Variants in ELL observed in about 807,000 individuals in gnomAD.
The protein encoded by ELL is RNA polymerase II elongation factor ELL.
In ELL, 18 loss-of-function variants were observed where a neutral mutation model predicts 64.0. The ratio of observed to expected loss-of-function variants is 0.28; its 90% CI spans 0.19 to 0.42. The LOEUF is 0.42. Ranked by LOEUF, ELL falls within the 10% of genes least tolerant of loss-of-function variation. ELL has a pLI of 1.00. For missense variants in ELL, 797 were observed against 870.4 expected (o/e 0.92, Z 1.06); for synonymous variants, 399 against 376.2 (o/e 1.06, Z -0.70).
chr19:18,520,835 G>A (rs936862120), intron 1 of ELL, among the ~76,000 whole-genome samples: 2 of 150,974 alleles, frequency 1.3e-5, no homozygotes, highest in African/African-American at 4.9e-5. Context: ...CCAATTTCCA[G>A]AAAAGGAGTT....
Position 18,446,385 on chromosome 19 carries a change from A to G in ELL, c.1628T>C (p.Ile543Thr), listed in dbSNP as rs199681857. The change falls in exon 10 of 12, where the codon ATT (isoleucine) becomes ACT (threonine). Residue 543 changes from isoleucine (I) to threonine (T), a missense_variant. By Grantham distance (89) the Ile-to-Thr change is moderately conservative. Coordinates refer to ENST00000262809, the MANE Select transcript of ELL (RefSeq NM_006532.4). ...YSEYRDLHAR[I>T]ERITRRFTQL... Reference sequence around the variant, plus strand: ...GGTGAACCGCCGCGTGATGCGCTCAATGCGGGCGTGCAGGTCGCGGTACTC... The same window carrying G: ...GGTGAACCGCCGCGTGATGCGCTCAGTGCGGGCGTGCAGGTCGCGGTACTC... The G allele has an allele frequency of 1.4e-5, 22 of 1,611,396 alleles. No individual in the cohort carries two copies. The highest frequency in any genetic ancestry group is 4.2e-6 in the Non-Finnish European group (5 of 1,179,632).
chr19:18,458,441 G>A (rs1974729791), intron 5 of ELL, 112 bp from the exon 6 acceptor site: 2 of 1,487,006 alleles, frequency 1.3e-6, no homozygotes. Context: ...GTGGGAGACA[G>A]ACAGAGACAG....
In ELL at chr19:18,458,335, A is replaced by C; in HGVS notation, c.745-6T>G. On this transcript the variant is annotated splice_region_variant and splice_polypyrimidine_tract_variant and intron_variant, in intron 5 of 11. Coordinates refer to ENST00000262809, the MANE Select transcript of ELL (RefSeq NM_006532.4). ...TTAGCACTCATGTTGGCCACCTGCA[A>C]GACAGAGCCAGCCATCACTTTGTGG... 6.2e-7 allele frequency: 1 copy of C among 1,608,388 alleles called. No homozygotes were observed. Among genetic ancestry groups the C allele is most frequent in the Non-Finnish European group, 8.5e-7 (1 of 1,176,778 alleles).
At position 18,444,867 on chromosome 19, in the gene ELL, G is replaced by A; in HGVS notation, c.1751C>T (p.Thr584Ile). The change falls in exon 12 of 12, where the codon ACC (threonine) becomes ATC (isoleucine). Residue 584 changes from threonine to isoleucine, a missense_variant and splice_region_variant. By Grantham distance (89) the Thr-to-Ile change is moderately conservative. Transcript: ENST00000262809. The part of the protein sequence containing the change: ...ILQEYRKIKK[T>I]NTNYSQEKHR... ...CTTCTCCTGGCTGTAGTTGGTGTTG[G>A]TCTGTGGGACAGCACAGTCATGCTC... 1 of 1,611,048 alleles carries A rather than the reference G, an allele frequency of 6.2e-7. No homozygotes were observed. The highest frequency in any genetic ancestry group is 8.5e-7 in the Non-Finnish European group (1 of 1,179,680).
At chr19:18,477,172 G>A (rs1431038064) in intron 1 of ELL, among the ~76,000 whole-genome samples, 1 of 152,194 alleles carries the variant, frequency 6.6e-6, no homozygotes, top group African/African-American at 2.4e-5. Context: ...TATCGTGAGA[G>A]AGCCACGAGG....
chr19:18,465,552 C>A lies in ELL; in HGVS notation c.329G>T (p.Cys110Phe), dbSNP rs1036175719. ...GATCTTGTCCTGTATGCTGCCCAGG[C>A]AGTCCAGGTGAACTTCCCCATGACT... Reference protein sequence around the residue: ...VSSHGEVHLDCLGSIQDKITV... With the variant: ...VSSHGEVHLDFLGSIQDKITV... The change falls in exon 4 of 12, where the codon TGC becomes TTC. Residue 110 changes from cysteine to phenylalanine, a missense_variant. By Grantham distance (205) the Cys-to-Phe change is radical (BLOSUM62 -2). Coordinates refer to ENST00000262809, the MANE Select transcript of ELL (RefSeq NM_006532.4). The A allele has an allele frequency of 1.2e-6, 2 of 1,602,048 alleles. No individual in the cohort carries two copies. The highest frequency in any genetic ancestry group is 1.3e-5 in the African/African-American group (1 of 74,808).
chr19:18,509,643 A>G lies in ELL; in HGVS notation c.135+12278T>C, dbSNP rs1325349473. The stretch of plus-strand genomic sequence containing the variant: ...CACACACACACACACACACACACAC[A>G]CACACACACACACACTCCCCTCCCC... On this transcript the variant is annotated intron_variant, in intron 1 of 11. Coordinates refer to ENST00000262809, the MANE Select transcript of ELL (RefSeq NM_006532.4). 2.5e-5 allele frequency among the ~76,000 whole-genome samples: 3 copies of G among 119,450 alleles called. 1 individual carries two copies. Among genetic ancestry groups the G allele is most frequent in the African/African-American group, 8.0e-5 (2 of 24,850 alleles). The allele number at this position is 119,450 out of a possible 152,430, so 78.4% of individuals were successfully genotyped here. A position where few individuals can be genotyped will look rare whatever the true frequency, so the allele number is the denominator to read the frequency against.
intron 5 of ELL, 88 bp from the exon 6 acceptor site, chr19:18,458,417 G>C: frequency 6.5e-7 from 1 of 1,543,618 alleles, no homozygotes; most frequent in South Asian, 1.2e-5. Flanking sequence ...GGTTTGGGAG[G>C]GTGTGCAGAG....
intron 1 of ELL, among the ~76,000 whole-genome samples, chr19:18,497,854 T>A (rs1975693506): frequency 6.8e-6 from 1 of 146,744 alleles, no homozygotes; most frequent in Non-Finnish European, 1.5e-5. Context: ...GTCAGCCAGA[T>A]GTGATGGCTC....
intron 1 of ELL, among the ~76,000 whole-genome samples, chr19:18,476,387 G>A (rs1470914288): frequency 6.6e-6 from 1 of 152,174 alleles, no homozygotes; most frequent in Non-Finnish European, 1.5e-5. Flanking sequence ...AACCAGTTAG[G>A]GTGCACAACC....
intron 5 of ELL, 28 bp downstream of exon 5, chr19:18,461,550 A>G (rs1974813766): frequency 1.3e-6 from 2 of 1,573,118 alleles, no homozygotes; most frequent in Non-Finnish European, 1.7e-6. Context: ...GACCACTGGT[A>G]AAGACAAGAC....
chr19:18,450,581 T>G lies in ELL; in HGVS notation c.1361A>C (p.Lys454Thr). ...SRSKPKKKSK[K>T]HKDKERAAED... The stretch of plus-strand genomic sequence containing the variant: ...AGCCGCCCTCTCCTTGTCTTTGTGC[T>G]TCTTGGACTTCTTCTTGGGCTTGCT... The change falls in exon 8 of 12, where the codon AAG (lysine) becomes ACG (threonine). Residue 454 changes from lysine (K) to threonine (T), a missense_variant. By Grantham distance (78) the Lys-to-Thr change is moderately conservative (BLOSUM62 -1). Transcript: ENST00000262809. 1 of 1,612,654 alleles carries G rather than the reference T, an allele frequency of 6.2e-7. No homozygotes were observed.
At chr19:18,491,803 G>C (rs906959305) in intron 1 of ELL, among the ~76,000 whole-genome samples, 1 of 152,144 alleles carries the variant, frequency 6.6e-6, no homozygotes, top group Admixed American at 6.5e-5. Flanking sequence ...TGTGGTCCCA[G>C]CTATGCAGGA....
intron 1 of ELL, among the ~76,000 whole-genome samples, chr19:18,486,569 G>T (rs1473287229): frequency 6.6e-6 from 1 of 152,166 alleles, no homozygotes; most frequent in Non-Finnish European, 1.5e-5. Flanking sequence ...TCTGAGAAGG[G>T]AGCCTGTCTC....
rs1369522125 is a variant in ELL, at chr19:18,501,540, T to C, written c.135+20381A>G. 1.3e-5 allele frequency among the ~76,000 whole-genome samples: 2 copies of C among 152,034 alleles called. No individual in the cohort carries two copies. Among genetic ancestry groups the C allele is most frequent in the African/African-American group, 4.8e-5 (2 of 41,380 alleles). ...CCACTGGCAGAAGGGAGCAAGACAC[T>C]GGTCCACGGCACAGCCAGCTCAGAG... is the stretch of plus-strand genomic sequence containing the variant. On this transcript the variant is annotated intron_variant, in intron 1 of 11. Transcript: ENST00000262809. This position sits in a 1 kb window ranked among gnomAD's most constrained non-coding sequence, Gnocchi z 4.5.
At chr19:18,492,564 C>T (rs1975555033) in intron 1 of ELL, among the ~76,000 whole-genome samples, 1 of 152,210 alleles carries the variant, frequency 6.6e-6, no homozygotes, top group South Asian at 2.1e-4. Context: ...ACTCGCTACT[C>T]AATCTCATTA....
In ELL at chr19:18,501,514, G is replaced by T. The variant is rs927838395; in HGVS notation, c.135+20407C>A. On this transcript the variant is annotated intron_variant, in intron 1 of 11. Transcript: ENST00000262809. This position sits in a 1 kb window ranked among gnomAD's most constrained non-coding sequence, Gnocchi z 4.5. Reference sequence around the variant, plus strand: ...GCCAGCCGGGGCCTTGGAGTGAGGGGCCACTGGCAGAAGGGAGCAAGACAC... The same window carrying T: ...GCCAGCCGGGGCCTTGGAGTGAGGGTCCACTGGCAGAAGGGAGCAAGACAC... Among the ~76,000 whole-genome samples, 3 of 152,198 alleles carry T rather than the reference G, an allele frequency of 2.0e-5. No homozygotes were observed. The highest frequency in any genetic ancestry group is 7.2e-5 in the African/African-American group (3 of 41,436).
At chr19:18,465,776 T>C in intron 3 of ELL, 21 bp downstream of exon 3, 1 of 1,423,668 alleles carries the variant, frequency 7.0e-7, no homozygotes, top group Middle Eastern at 1.9e-4. Flanking sequence ...CGGGGTGCTC[T>C]GGGGTGGGGC....
chr19:18,453,131 G>C (rs188023130), intron 6 of ELL, among the ~76,000 whole-genome samples: 63 of 152,216 alleles, frequency 4.1e-4, no homozygotes, highest in African/African-American at 1.3e-3. Flanking sequence ...AAAATTAGCC[G>C]GGCATGGTGG....
Sources: allele counts gnomAD v4.1 joint callset (sites outside exome capture counted in the v4.1 genomes callset), GRCh38; gene constraint gnomAD v4.1.1; non-coding constraint Gnocchi (gnomAD v3.1); transcripts MANE v1.5; gene names NCBI Gene and HGNC (gene_info 2026-07-23, HGNC 2026-07-21).